Variants in UVRAG observed in about 807,000 individuals in gnomAD.
UVRAG encodes UV radiation resistance-associated gene protein.
In UVRAG, 19 loss-of-function variants were observed where a neutral mutation model predicts 78.0. The observed-to-expected ratio is 0.24, with a 90% CI of 0.17 to 0.36. The LOEUF is 0.36. UVRAG is among the 10% of genes least tolerant of loss of function. The pLI, the probability that UVRAG is intolerant of heterozygous loss-of-function variation, is 1.00. For synonymous variants in UVRAG, 323 were observed against 324.6 expected, an observed-to-expected ratio of 1.00 and a Z score of 0.05; for missense variants, 740 against 853.8, an observed-to-expected ratio of 0.87 and a Z score of 1.66.
rs1024795820 is a variant in UVRAG, at chr11:75,908,712, C to CTTTTTT, written c.508-3220_508-3215dup. On this transcript the variant is annotated intron_variant, in intron 5 of 14. Coordinates refer to ENST00000356136, the MANE Select transcript of UVRAG (RefSeq NM_003369.4). ...ACCAGTCAAATAATCTGGTTCTGGG[C>CTTTTTT]TTTTTTTTTTTTTTTTTTTTTTTTT... Among the ~76,000 whole-genome samples, 32 of 45,452 alleles carry CTTTTTT rather than the reference C, an allele frequency of 7.0e-4. 3 individuals carry two copies. The highest frequency in any genetic ancestry group is 2.2e-3 in the African/African-American group (26 of 11,592). The allele number at this position is 45,452 out of a possible 152,430, so 29.8% of individuals were successfully genotyped here.
chr11:75,843,195 A>G (rs1465388423), intron 1 of UVRAG, among the ~76,000 whole-genome samples: 1 of 152,220 alleles, frequency 6.6e-6, no homozygotes, highest in Non-Finnish European at 1.5e-5. Flanking sequence ...GAGTTCTGTC[A>G]GTTCTGGTGT....
intron 11 of UVRAG, among the ~76,000 whole-genome samples, chr11:76,014,575 A>T (rs1396695774): frequency 6.6e-6 from 1 of 152,240 alleles, no homozygotes; most frequent in African/African-American, 2.4e-5. Context: ...CACGAGGCAG[A>T]ATTCAGTCAC....
At chr11:75,979,224 C>G (rs146820468) in intron 7 of UVRAG, among the ~76,000 whole-genome samples, 18 of 152,204 alleles carry the variant, frequency 1.2e-4, no homozygotes, top group Non-Finnish European at 2.6e-4. Flanking sequence ...GCTGCCTGAT[C>G]ATTCCTCTGG....
At chr11:76,017,156 A>G (rs1212641963) in intron 12 of UVRAG, among the ~76,000 whole-genome samples, 176 bp downstream of exon 12, 1 of 152,166 alleles carries the variant, frequency 6.6e-6, no homozygotes, top group Admixed American at 6.5e-5. Context: ...ATTCATATAA[A>G]TTTTAATGAC....
intron 10 of UVRAG, 66 bp from the exon 11 acceptor site, chr11:76,008,741 A>T: frequency 2.2e-6 from 2 of 906,898 alleles, no homozygotes; most frequent in Non-Finnish European, 3.4e-6. Context: ...CGACCTGCTG[A>T]TCTGAGATTT....
chr11:76,064,014 C>T (rs1327469335), intron 12 of UVRAG, among the ~76,000 whole-genome samples: 2 of 152,132 alleles, frequency 1.3e-5, no homozygotes, highest in African/African-American at 4.8e-5. Context: ...TCCTAATATT[C>T]GATCTGTCTT....
At chr11:75,976,606 G>T (rs1176268747) in intron 7 of UVRAG, among the ~76,000 whole-genome samples, 4 of 152,102 alleles carry the variant, frequency 2.6e-5, no homozygotes, top group Non-Finnish European at 5.9e-5. Context: ...GATGGTGTAT[G>T]TGTCCAGGAA....
At chr11:76,071,194 A>G (rs1173414308) in intron 13 of UVRAG, among the ~76,000 whole-genome samples, 4 of 152,228 alleles carry the variant, frequency 2.6e-5, no homozygotes, top group African/African-American at 9.6e-5. Flanking sequence ...AAATAAGTGG[A>G]AAAGGACCTA....
chr11:75,995,847 T>A (rs1398658314), intron 8 of UVRAG, among the ~76,000 whole-genome samples: 1 of 152,106 alleles, frequency 6.6e-6, no homozygotes, highest in Non-Finnish European at 1.5e-5. Flanking sequence ...TCTGATTTTT[T>A]AAATAACCAT....
intron 6 of UVRAG, chr11:75,935,052 A>C (rs745851256): frequency 1.3e-5 from 2 of 152,210 alleles, no homozygotes; most frequent in South Asian, 4.1e-4. Flanking sequence ...AATGCTGACT[A>C]TACAATTTAA....
At chr11:75,997,849 G>A (rs1949736988) in intron 8 of UVRAG, among the ~76,000 whole-genome samples, 1 of 152,180 alleles carries the variant, frequency 6.6e-6, no homozygotes, top group Non-Finnish European at 1.5e-5. Context: ...GGGTAATTGA[G>A]CCTGTTGGCC....
chr11:75,969,589 G>A (rs756812425), intron 7 of UVRAG, among the ~76,000 whole-genome samples: 1 of 151,998 alleles, frequency 6.6e-6, no homozygotes, highest in Non-Finnish European at 1.5e-5. Context: ...AAATTGTTTA[G>A]GAATATTCTA....
chr11:76,133,264 A>C (rs187191390), intron 14 of UVRAG, among the ~76,000 whole-genome samples: 1 of 152,318 alleles, frequency 6.6e-6, no homozygotes, highest in Admixed American at 6.5e-5. Context: ...TTCACAGAAG[A>C]GGACACCTAG....
At chr11:75,978,549 T>C (rs1031810634) in intron 7 of UVRAG, among the ~76,000 whole-genome samples, 1 of 152,216 alleles carries the variant, frequency 6.6e-6, no homozygotes, top group Non-Finnish European at 1.5e-5. Context: ...CCATATTTGT[T>C]GGAGGCTTTG....
chr11:75,830,816 TACA>T (rs1481859508), intron 1 of UVRAG, among the ~76,000 whole-genome samples: 1 of 152,220 alleles, frequency 6.6e-6, no homozygotes, highest in Non-Finnish European at 1.5e-5. Flanking sequence ...AGCTCTGTTC[TACA>T]ACATTATTAA....
rs759578703 is a variant in UVRAG at position 76,141,099 on chromosome 11, GTCA to G, written c.1787_1789del (p.Val596_Asn597delinsAsp). The G allele has an allele frequency of 1.2e-6, 2 of 1,614,206 alleles. No individual in the cohort carries two copies. Among genetic ancestry groups the G allele is most frequent in the Non-Finnish European group, 8.5e-7 (1 of 1,180,050 alleles). On this transcript the variant is annotated inframe_deletion, in exon 15 of 15. Coordinates refer to ENST00000356136, the MANE Select transcript of UVRAG (RefSeq NM_003369.4). ...AGCCCTCTCCGGGCACCGGGCCACA[GTCA>G]ATGGCACTCTCCTACCCAGCGAGCA...
chr11:76,129,340 G>T (rs1237031869), intron 14 of UVRAG, among the ~76,000 whole-genome samples: 2 of 152,170 alleles, frequency 1.3e-5, no homozygotes, highest in Non-Finnish European at 1.5e-5. Context: ...CCTTCTCCTG[G>T]TTTTCTTCAT....
chr11:76,062,139 C>T (rs1029722609), intron 12 of UVRAG, among the ~76,000 whole-genome samples: 1 of 152,168 alleles, frequency 6.6e-6, no homozygotes, highest in Non-Finnish European at 1.5e-5. Context: ...CCTCCATCTG[C>T]ACACAACCTC....
At chr11:76,057,908 G>A (rs541632334) in intron 12 of UVRAG, among the ~76,000 whole-genome samples, 1 of 152,186 alleles carries the variant, frequency 6.6e-6, no homozygotes, top group South Asian at 2.1e-4. Flanking sequence ...TTTTTCACAG[G>A]TTTTTGTTGT....
Sources: allele counts gnomAD v4.1 joint callset (sites outside exome capture counted in the v4.1 genomes callset), GRCh38; gene constraint gnomAD v4.1.1; transcripts MANE v1.5; gene names NCBI Gene and HGNC (gene_info 2026-07-23, HGNC 2026-07-21).